The following CELSR1 variants were observed in gnomAD, a reference collection of about 807,000 sequenced individuals.
The protein encoded by CELSR1 is cadherin EGF LAG seven-pass G-type receptor 1, also known as adhesion G protein-coupled receptor C1.
A neutral mutation model predicts 249.1 loss-of-function variants in CELSR1; 110 were observed. The observed-to-expected ratio is 0.44, with a 90% CI of 0.38 to 0.52. The LOEUF is 0.52. Among genes scored for constraint, CELSR1 ranks in the 20% least tolerant of loss-of-function variants. The probability of loss-of-function intolerance (pLI) is 0.00; values close to 1 mark genes in which losing one functional copy is unlikely to be tolerated. For missense variants in CELSR1, 4,109 were observed against 4,296.4 expected, an observed-to-expected ratio of 0.96 and a Z score of 1.22; for synonymous variants, 2,113 against 1,900.0, an observed-to-expected ratio of 1.11 and a Z score of -2.92.
intron 9 of CELSR1, among the ~76,000 whole-genome samples, chr22:46,403,971 C>CAAAAAAAAAAAAAAAAAAA (rs756055741): frequency 2.1e-5 from 1 of 48,426 alleles, no homozygotes; most frequent in Non-Finnish European, 4.7e-5. Flanking sequence ...AACTCCGTCT[C>CAAAAAAAAAAAAAAAAAAA]AAAAAAAAAA....
rs1467885032 is a variant in CELSR1 at position 46,363,534 on chromosome 22, T to C, written c.9036-287A>G. 2 of 373,572 alleles carry C rather than the reference T, an allele frequency of 5.4e-6. No individual in the cohort carries two copies. The highest frequency in any genetic ancestry group is 1.0e-4 in the East Asian group (2 of 19,602). 23.1% of individuals were successfully genotyped at this position (373,572 alleles called of 1,614,324 possible). The stretch of plus-strand genomic sequence containing the variant: ...ACAGTGACTTTTGGAAGGGGCATTC[T>C]GAAGACCTGGCTTCTCCCTTGTGAG... On this transcript the variant is annotated intron_variant, in intron 34 of 34. Coordinates refer to ENST00000674500, the MANE Select transcript of CELSR1 (RefSeq NM_001378328.1). The surrounding 1 kb of genome is among the most constrained non-coding windows in gnomAD (Gnocchi z 4.3).
chr22:46,365,424 G>C, intron 31 of CELSR1, 44 bp from the exon 32 acceptor site: 3 of 1,604,476 alleles, frequency 1.9e-6, no homozygotes, highest in Non-Finnish European at 2.6e-6. Context: ...CCTGGGAGGT[G>C]AGGGAGTCCC....
At chr22:46,474,724 C>T (rs371018002) in intron 1 of CELSR1, among the ~76,000 whole-genome samples, 17 of 83,460 alleles carry the variant, frequency 2.0e-4, no homozygotes, top group Admixed American at 9.4e-4. Flanking sequence ...AATCTCTCCC[C>T]AACCCCCTCT....
chr22:46,438,119 G>T (rs1480363299), intron 3 of CELSR1, among the ~76,000 whole-genome samples: 2 of 152,034 alleles, frequency 1.3e-5, no homozygotes, highest in African/African-American at 4.8e-5. Context: ...CCAAAGCCGA[G>T]GGGAGGGTTG....
rs2079187860 is a variant in CELSR1 at position 46,399,533 on chromosome 22, A to T, written c.5412+184T>A. Among the ~76,000 whole-genome samples, 2 of 152,208 alleles carry T rather than the reference A, an allele frequency of 1.3e-5. No homozygotes were observed. The highest frequency in any genetic ancestry group is 4.8e-5 in the African/African-American group (2 of 41,452). On this transcript the variant is annotated intron_variant, in intron 10 of 34. Transcript: ENST00000674500. This position sits in a 1 kb window ranked among gnomAD's most constrained non-coding sequence, Gnocchi z 5.0. ...CGGGGGCGGGGCATCCGGATGAAGG[A>T]GGTGAGGAAGATGCCAGTGACCTCA... is the stretch of plus-strand genomic sequence containing the variant.
rs1212201631 is a variant in CELSR1 at position 46,391,818 on chromosome 22, T to A, written c.5965-2A>T. The A allele has an allele frequency of 6.2e-7, 1 of 1,608,258 alleles. No individual in the cohort carries two copies. The highest frequency in any genetic ancestry group is 8.5e-7 in the Non-Finnish European group (1 of 1,178,592). On this transcript the variant is annotated splice_acceptor_variant, in intron 14 of 34. Transcript: ENST00000674500. LOFTEE classifies it high-confidence loss of function. This position sits in a 1 kb window ranked among gnomAD's most constrained non-coding sequence, Gnocchi z 4.3. The stretch of plus-strand genomic sequence containing the variant: ...GGCTAGGAGCTTGTAGTAATTCTCC[T>A]GCAAAAGCCAGAGGCAGGGCCTGTG...
Position 46,533,650 on chromosome 22 carries a change from G to A in CELSR1, c.3521C>T (p.Ala1174Val), listed in dbSNP as rs148606960. 13 of 1,586,188 alleles carry A rather than the reference G, an allele frequency of 8.2e-6. No individual in the cohort carries two copies. Among genetic ancestry groups the A allele is most frequent in the Middle Eastern group, 1.7e-4 (1 of 6,000 alleles). ...ACCAGACACAGACACCTCCATGAGC[G>A]CCTCCAGCGGCCGGTTGTTGTCCAG... is the stretch of plus-strand genomic sequence containing the variant. ...RDLDNNRPLE[A>V]LMEVSVSDGI... Residue 1174 changes from alanine to valine, a missense_variant, in exon 1 of 35, where the codon GCG becomes GTG. Coordinates refer to ENST00000674500, the MANE Select transcript of CELSR1 (RefSeq NM_001378328.1).
intron 5 of CELSR1, among the ~76,000 whole-genome samples, chr22:46,414,166 C>T (rs543193091): frequency 2.6e-4 from 39 of 152,236 alleles, no homozygotes; most frequent in Non-Finnish European, 4.6e-4. Context: ...CACCTGACTT[C>T]AGTCTGGCCT....
At position 46,396,585 on chromosome 22, in the gene CELSR1, G is replaced by A. The variant is rs753690366; in HGVS notation, c.5843+20C>T. ...ACATGGACTCTGAAGGTGCAGGGAG[G>A]CACCAGGGGCTGCTCTTACTTGTTC... On this transcript the variant is annotated intron_variant, in intron 13 of 34. Transcript: ENST00000674500. This position sits in a 1 kb window ranked among gnomAD's most constrained non-coding sequence, Gnocchi z 6.4. The A allele has an allele frequency of 2.0e-6, 3 of 1,536,984 alleles. No homozygotes were observed. Among genetic ancestry groups the A allele is most frequent in the Non-Finnish European group, 2.6e-6 (3 of 1,144,434 alleles).
intron 29 of CELSR1, 47 bp from the exon 30 acceptor site, chr22:46,366,527 A>T: frequency 7.2e-7 from 1 of 1,382,228 alleles, no homozygotes; most frequent in African/African-American, 1.4e-5. Context: ...TGGCCACCAC[A>T]TGACCACCAC....
rs1382355516 is a variant in CELSR1, at chr22:46,437,401, G to A, written c.4407-1112C>T. ...CTAAGGTTGGTTTATCCATTTTCCT[G>A]CAGCAGGAGTCGGCCCGAGCCAGCC... On this transcript the variant is annotated intron_variant, in intron 3 of 34. Transcript: ENST00000674500. The surrounding 1 kb of genome is among the most constrained non-coding windows in gnomAD (Gnocchi z 4.9). Among the ~76,000 whole-genome samples the A allele has an allele frequency of 6.6e-6, 1 of 152,214 alleles. No individual in the cohort carries two copies. The highest frequency in any genetic ancestry group is 2.4e-5 in the African/African-American group (1 of 41,450).
At chr22:46,414,637 G>T (rs970332868) in intron 5 of CELSR1, among the ~76,000 whole-genome samples, 1 of 147,842 alleles carries the variant, frequency 6.8e-6, no homozygotes, top group Non-Finnish European at 1.5e-5. Flanking sequence ...CAGGCTAACC[G>T]TCCACTCTGC....
intron 1 of CELSR1, among the ~76,000 whole-genome samples, chr22:46,495,361 T>C (rs1336160922): frequency 6.6e-6 from 1 of 152,192 alleles, no homozygotes; most frequent in South Asian, 2.1e-4. Context: ...AGTGAGAACA[T>C]GGTATAACAT....
chr22:46,402,824 C>A lies in CELSR1; in HGVS notation c.5227-2922G>T, dbSNP rs1310602418. Among the ~76,000 whole-genome samples, 1 of 152,072 alleles carries A rather than the reference C, an allele frequency of 6.6e-6. No homozygotes were observed. The highest frequency in any genetic ancestry group is 1.5e-5 in the Non-Finnish European group (1 of 68,026). On this transcript the variant is annotated intron_variant, in intron 9 of 34. Transcript: ENST00000674500. The surrounding 1 kb of genome is among the most constrained non-coding windows in gnomAD (Gnocchi z 5.0). ...AATCAGAAAACAAGGTTGTAACTAACCTAAGATGCTCATATTTAAAGATAA... is the reference window on the plus strand; with the variant it reads ...AATCAGAAAACAAGGTTGTAACTAAACTAAGATGCTCATATTTAAAGATAA...
intron 24 of CELSR1, among the ~76,000 whole-genome samples, chr22:46,373,784 G>A (rs1414482732): frequency 1.3e-5 from 2 of 151,350 alleles, no homozygotes; most frequent in East Asian, 3.9e-4. Flanking sequence ...ACCCCCAACC[G>A]GCCTGCTCTG....
At chr22:46,369,019 G>T (rs376703135) in intron 27 of CELSR1, 160 bp downstream of exon 27, 2 of 583,986 alleles carry the variant, frequency 3.4e-6, no homozygotes, top group Admixed American at 5.8e-5. Context: ...CAGGTGCAAC[G>T]TGGCAAACCT....
intron 2 of CELSR1, among the ~76,000 whole-genome samples, chr22:46,453,864 G>A (rs189477210): frequency 2.6e-5 from 4 of 152,298 alleles, no homozygotes; most frequent in Admixed American, 6.5e-5. Context: ...TTTACCGGGT[G>A]TGAGTGGTCG....
At chr22:46,450,382 C>T (rs541240046) in intron 2 of CELSR1, among the ~76,000 whole-genome samples, 23 of 152,364 alleles carry the variant, frequency 1.5e-4, no homozygotes, top group Admixed American at 7.2e-4. Flanking sequence ...GCTCAGGTGA[C>T]GCTCCCTGAC....
chr22:46,400,017 T>C, intron 9 of CELSR1, 115 bp from the exon 10 acceptor site: 1 of 1,114,518 alleles, frequency 9.0e-7, no homozygotes, highest in South Asian at 1.6e-5. Flanking sequence ...TGGCACCAGA[T>C]ACAAGATAGG....
Sources: allele counts gnomAD v4.1 joint callset (sites outside exome capture counted in the v4.1 genomes callset), GRCh38; gene constraint gnomAD v4.1.1; non-coding constraint Gnocchi (gnomAD v3.1); transcripts MANE v1.5; gene names NCBI Gene and HGNC (gene_info 2026-07-23, HGNC 2026-07-21).